The following IMMP2L variants were observed in gnomAD, a reference collection of about 807,000 sequenced individuals.
IMMP2L encodes mitochondrial inner membrane protease subunit 2.
In IMMP2L, 18 loss-of-function variants were observed where a neutral mutation model predicts 19.3. The observed-to-expected ratio is 0.93, with a 90% CI of 0.64 to 1.38. The LOEUF (loss-of-function observed/expected upper bound fraction) is 1.38, where lower values mean the gene tolerates loss of function less well. Ranked by LOEUF, IMMP2L falls within the 40% of genes most tolerant of loss-of-function variation. The pLI is 0.00. For synonymous variants in IMMP2L, 76 were observed against 73.0 expected, an observed-to-expected ratio of 1.04 and a Z score of -0.21; for missense variants, 233 against 218.2, an observed-to-expected ratio of 1.07 and a Z score of -0.43.
intron 3 of IMMP2L, among the ~76,000 whole-genome samples, chr7:111,373,976 G>A (rs1194588654): frequency 1.3e-5 from 2 of 149,856 alleles, no homozygotes; most frequent in African/African-American, 4.9e-5. Context: ...AATCGTGGAG[G>A]AAAAAAAAAG....
chr7:110,794,915 A>G (rs1368647699), intron 5 of IMMP2L, among the ~76,000 whole-genome samples: 1 of 152,134 alleles, frequency 6.6e-6, no homozygotes, highest in Non-Finnish European at 1.5e-5. Context: ...AAGACAAAGA[A>G]TACCTAAATG....
chr7:110,938,873 A>G (rs1194486650), intron 4 of IMMP2L, among the ~76,000 whole-genome samples: 2 of 152,154 alleles, frequency 1.3e-5, no homozygotes, highest in African/African-American at 4.8e-5. Context: ...GGATCCTTTT[A>G]TATGCAAATA....
chr7:110,747,442 A>G (rs544492628), intron 5 of IMMP2L, among the ~76,000 whole-genome samples: 2 of 152,280 alleles, frequency 1.3e-5, no homozygotes, highest in African/African-American at 4.8e-5. Flanking sequence ...CAGAGACACA[A>G]CAAAAAAGGA....
intron 3 of IMMP2L, among the ~76,000 whole-genome samples, chr7:111,328,115 T>G (rs1035204583): frequency 6.6e-6 from 1 of 151,728 alleles, no homozygotes; most frequent in African/African-American, 2.4e-5. Context: ...CCAATCTTAC[T>G]CAGAGAACTT....
chr7:111,416,192 T>G (rs1834941275), intron 3 of IMMP2L, among the ~76,000 whole-genome samples: 1 of 151,756 alleles, frequency 6.6e-6, no homozygotes, highest in African/African-American at 2.4e-5. Flanking sequence ...TTAAAGTACA[T>G]ATTGAAACTT....
intron 3 of IMMP2L, chr7:111,395,057 T>C: frequency 4.7e-6 from 1 of 212,444 alleles, no homozygotes; most frequent in Non-Finnish European, 1.1e-5. Flanking sequence ...CATGAGTTAA[T>C]GTCTTGTACC....
chr7:110,972,042 C>T (rs1283534008), intron 3 of IMMP2L, among the ~76,000 whole-genome samples: 1 of 152,018 alleles, frequency 6.6e-6, no homozygotes, highest in East Asian at 1.9e-4. Context: ...TCTGTTCCAA[C>T]CCTAATGCTA....
chr7:111,263,830 G>C (rs1817568251), intron 3 of IMMP2L, among the ~76,000 whole-genome samples: 3 of 152,112 alleles, frequency 2.0e-5, no homozygotes, highest in Admixed American at 2.0e-4. Flanking sequence ...GCCAGGGGAA[G>C]AAAGCATTTC....
chr7:111,547,053 C>T (rs1168714362), intron 1 of IMMP2L, among the ~76,000 whole-genome samples: 1 of 152,110 alleles, frequency 6.6e-6, no homozygotes, highest in Non-Finnish European at 1.5e-5. Context: ...GTAAGTTTTT[C>T]TTAATCTAAG....
chr7:111,262,568 C>A (rs114916315), intron 3 of IMMP2L, among the ~76,000 whole-genome samples: 2,874 of 152,144 alleles, frequency 0.019, 95 homozygotes, highest in African/African-American at 0.065. Flanking sequence ...CAGTATTTAT[C>A]CAAGAGGCAG....
intron 5 of IMMP2L, among the ~76,000 whole-genome samples, chr7:110,822,896 T>G (rs1453570714): frequency 6.6e-6 from 1 of 152,156 alleles, no homozygotes; most frequent in Non-Finnish European, 1.5e-5. Context: ...GTATGTCTTA[T>G]TCTATGTCTT....
chr7:110,921,498 T>C (rs528733883), intron 4 of IMMP2L, among the ~76,000 whole-genome samples: 81 of 152,364 alleles, frequency 5.3e-4, no homozygotes, highest in African/African-American at 1.9e-3. Flanking sequence ...CATTATTTCT[T>C]ATCTAATTAG....
chr7:111,134,930 T>C (rs1164140181), intron 3 of IMMP2L, among the ~76,000 whole-genome samples: 5 of 152,042 alleles, frequency 3.3e-5, no homozygotes, highest in African/African-American at 1.2e-4. Flanking sequence ...ATGGTATCAA[T>C]AATAGAAAAG....
chr7:110,823,853 T>A (rs1188702822), intron 5 of IMMP2L, among the ~76,000 whole-genome samples: 1 of 152,132 alleles, frequency 6.6e-6, no homozygotes, highest in Non-Finnish European at 1.5e-5. Flanking sequence ...ACATTATGGC[T>A]ATTCATTAAT....
At chr7:111,450,476 T>C (rs1163583464) in intron 3 of IMMP2L, among the ~76,000 whole-genome samples, 1 of 151,926 alleles carries the variant, frequency 6.6e-6, no homozygotes, top group South Asian at 2.1e-4. Context: ...CCCTATTTAA[T>C]AAACGGTGCT....
intron 3 of IMMP2L, among the ~76,000 whole-genome samples, chr7:111,003,180 TA>T (rs1823902287): frequency 6.6e-6 from 1 of 152,188 alleles, no homozygotes; most frequent in Non-Finnish European, 1.5e-5. Context: ...GTTCTGGCTC[TA>T]AAACTGTTAT....
At chr7:110,784,297 G>A (rs916228560) in intron 5 of IMMP2L, among the ~76,000 whole-genome samples, 3 of 151,878 alleles carry the variant, frequency 2.0e-5, no homozygotes, top group Non-Finnish European at 2.9e-5. Flanking sequence ...ACAAGTTTTT[G>A]CATATATTTG....
intron 4 of IMMP2L, among the ~76,000 whole-genome samples, chr7:110,938,281 C>T (rs1280351390): frequency 6.6e-6 from 1 of 152,096 alleles, no homozygotes; most frequent in African/African-American, 2.4e-5. Flanking sequence ...GGAGGGGTAT[C>T]AAACAATGTC....
At chr7:110,884,628 A>C (rs574685011) in intron 5 of IMMP2L, among the ~76,000 whole-genome samples, 2 of 152,032 alleles carry the variant, frequency 1.3e-5, no homozygotes, top group African/African-American at 4.8e-5. Flanking sequence ...ATACCCAATC[A>C]TATCTGTGAT....
Sources: gnomAD v4.1 joint callset for allele counts (sites outside exome capture counted in the v4.1 genomes callset) on GRCh38, gnomAD v4.1.1 for gene constraint, MANE v1.5 for transcripts, NCBI Gene and HGNC (gene_info 2026-07-23, HGNC 2026-07-21) for gene names.